The following VAPB variants were observed in gnomAD, a reference collection of about 807,000 sequenced individuals.
VAPB encodes vesicle-associated membrane protein-associated protein B/C.
VAPB carries 7 observed loss-of-function variants against 25.6 expected under a neutral mutation model. That is an observed-to-expected ratio of 0.27 (90% CI 0.16 to 0.51). The LOEUF (loss-of-function observed/expected upper bound fraction) is 0.51. Among genes scored for constraint, VAPB ranks in the 20% least tolerant of loss-of-function variants. The probability of loss-of-function intolerance (pLI) is 0.97; values close to 1 mark genes in which losing one functional copy is unlikely to be tolerated. For synonymous variants in VAPB, 112 were observed against 109.2 expected (o/e 1.03, Z -0.16); for missense variants, 266 against 301.3 (o/e 0.88, Z 0.87).
chr20:58,424,409 G>A (rs369093631), intron 2 of VAPB, among the ~76,000 whole-genome samples: 1 of 152,042 alleles, frequency 6.6e-6, no homozygotes, highest in African/African-American at 2.4e-5. Context: ...GAGAGCAAGT[G>A]CAGGGAGCAT....
intron 2 of VAPB, among the ~76,000 whole-genome samples, chr20:58,425,917 AAG>A (rs1449513986): frequency 6.6e-6 from 1 of 151,978 alleles, no homozygotes; most frequent in Admixed American, 6.6e-5. Flanking sequence ...ATTTTTGACA[AAG>A]TCTCTCTCTG....
intron 1 of VAPB, among the ~76,000 whole-genome samples, chr20:58,389,845 G>A (rs1330789719): frequency 6.6e-6 from 1 of 152,208 alleles, no homozygotes; most frequent in African/African-American, 2.4e-5. Flanking sequence ...CGCTGCCTTT[G>A]CCTAGAAGTT....
In VAPB at chr20:58,447,768, A is replaced by G. The variant is rs2123111552; in HGVS notation, c.*3533A>G. ...TGCATACACAAATTTTTGTGTTTGCAAACTCAGAATCCATGCCAAAATACA... is the reference window on the plus strand; with the variant it reads ...TGCATACACAAATTTTTGTGTTTGCGAACTCAGAATCCATGCCAAAATACA... On this transcript the variant is annotated 3_prime_UTR_variant, in exon 6 of 6. Transcript: ENST00000475243. 1 of 453,886 alleles carries G rather than the reference A, an allele frequency of 2.2e-6. No individual in the cohort carries two copies. Among genetic ancestry groups the G allele is most frequent in the African/African-American group, 2.0e-5 (1 of 50,122 alleles). The allele number at this position is 453,886 out of a possible 1,614,324, so 28.1% of individuals were successfully genotyped here.
Position 58,408,890 on chromosome 20 carries a change from A to ACCCC in VAPB, c.59-9312_59-9309dup, listed in dbSNP as rs60297703. Among the ~76,000 whole-genome samples the ACCCC allele has an allele frequency of 3.2e-3, 297 of 91,896 alleles. 1 individual carries two copies. Among genetic ancestry groups the ACCCC allele is most frequent in the Middle Eastern group, 0.018 (3 of 168 alleles). The allele number at this position is 91,896 out of a possible 152,430, so 60.3% of individuals were successfully genotyped here. A position where few individuals can be genotyped will look rare whatever the true frequency, so the allele number is the denominator to read the frequency against. ...GGATCTGGTGATGAATAGGACAGAC[A>ACCCC]CCCCCCCCCCCCACCCCGCCCCCCA... On this transcript the variant is annotated intron_variant, in intron 1 of 5. Coordinates refer to ENST00000475243, the MANE Select transcript of VAPB (RefSeq NM_004738.5).
At chr20:58,405,236 G>A (rs142757671) in intron 1 of VAPB, among the ~76,000 whole-genome samples, 2 of 152,194 alleles carry the variant, frequency 1.3e-5, no homozygotes, top group Admixed American at 6.5e-5. Context: ...GAGACATTTG[G>A]GAAGAGCATT....
intron 1 of VAPB, among the ~76,000 whole-genome samples, chr20:58,414,389 G>A (rs561500832): frequency 2.6e-3 from 390 of 151,368 alleles, no homozygotes; most frequent in African/African-American, 8.7e-3. Flanking sequence ...CCTCCCAGAC[G>A]GGGTGGCCGC....
Position 58,389,353 on chromosome 20 carries a change from C to T in VAPB, c.-107C>T. ...AGAGGACCCCCGCCCGTGCCCCGACCGGTCCCCGCCTTTTTGTAAAACTTA... is the reference window on the plus strand; with the variant it reads ...AGAGGACCCCCGCCCGTGCCCCGACTGGTCCCCGCCTTTTTGTAAAACTTA... On this transcript the variant is annotated 5_prime_UTR_variant, in exon 1 of 6. Coordinates refer to ENST00000475243, the MANE Select transcript of VAPB (RefSeq NM_004738.5). 7.4e-7 allele frequency: 1 copy of T among 1,348,608 alleles called. No individual in the cohort carries two copies. The highest frequency in any genetic ancestry group is 2.6e-5 in the East Asian group (1 of 38,876). The allele number at this position is 1,348,608 out of a possible 1,614,324, so 83.5% of individuals were successfully genotyped here. A position where few individuals can be genotyped will look rare whatever the true frequency, so the allele number is the denominator to read the frequency against.
rs1424467886 is a variant in VAPB, at chr20:58,445,292, T to TC, written c.*1059dup. 2 of 454,244 alleles carry TC rather than the reference T, an allele frequency of 4.4e-6. No individual in the cohort carries two copies. Among genetic ancestry groups the TC allele is most frequent in the Non-Finnish European group, 8.8e-6 (2 of 226,752 alleles). The allele number at this position is 454,244 out of a possible 1,614,324, so 28.1% of individuals were successfully genotyped here. A position where few individuals can be genotyped will look rare whatever the true frequency, so the allele number is the denominator to read the frequency against. On this transcript the variant is annotated 3_prime_UTR_variant, in exon 6 of 6. Coordinates refer to ENST00000475243, the MANE Select transcript of VAPB (RefSeq NM_004738.5). ...ATTACTCACACTTCCAGCGCCCAGGTCCAAGTCTGAGCCTGACCTCCCCTT... is the reference window on the plus strand; with the variant it reads ...ATTACTCACACTTCCAGCGCCCAGGTCCCAAGTCTGAGCCTGACCTCCCCTT...
At chr20:58,393,135 G>C (rs1224742968) in intron 1 of VAPB, among the ~76,000 whole-genome samples, 1 of 152,154 alleles carries the variant, frequency 6.6e-6, no homozygotes, top group Non-Finnish European at 1.5e-5. Flanking sequence ...CTGGGCTCAA[G>C]AGATCCTCCT....
At chr20:58,407,833 A>T (rs1470877160) in intron 1 of VAPB, among the ~76,000 whole-genome samples, 5 of 152,184 alleles carry the variant, frequency 3.3e-5, no homozygotes, top group African/African-American at 1.2e-4. Context: ...GTATTCCTTC[A>T]TGAGATTTTA....
chr20:58,447,374 C>G lies in VAPB; in HGVS notation c.*3139C>G. On this transcript the variant is annotated 3_prime_UTR_variant, in exon 6 of 6. Coordinates refer to ENST00000475243, the MANE Select transcript of VAPB (RefSeq NM_004738.5). Reference sequence around the variant, plus strand: ...CTCTCGTCTTCTGAACTGCTGGCACCAGCAGTAATACATACTGATAAAATC... The same window carrying G: ...CTCTCGTCTTCTGAACTGCTGGCACGAGCAGTAATACATACTGATAAAATC... 1 of 454,038 alleles carries G rather than the reference C, an allele frequency of 2.2e-6. No homozygotes were observed. Among genetic ancestry groups the G allele is most frequent in the South Asian group, 1.6e-5 (1 of 64,476 alleles). 28.1% of individuals were successfully genotyped at this position (454,038 alleles called of 1,614,324 possible).
Position 58,444,169 on chromosome 20 carries a change from C to A in VAPB, c.666C>A (p.Thr222=), listed in dbSNP as rs1363518989. Residue 222 remains threonine (T), a synonymous_variant, in exon 6 of 6, where the codon ACC becomes ACA. Transcript: ENST00000475243. ...CTGGGAAGGAAGAAGGCCTTAGCAC[C>A]CGGCTCTTGGCTCTGGTGGTTTTGT... ...APTGKEEGLS[T]RLLALVVLFF... 6.2e-7 allele frequency: 1 copy of A among 1,614,176 alleles called. No homozygotes were observed. The highest frequency in any genetic ancestry group is 1.1e-5 in the South Asian group (1 of 91,080).
At chr20:58,419,316 GT>G (rs1988617529) in intron 2 of VAPB, among the ~76,000 whole-genome samples, 1 of 152,086 alleles carries the variant, frequency 6.6e-6, no homozygotes, top group Admixed American at 6.5e-5. Context: ...TTATCTGATC[GT>G]TTCTGCAAAC....
At chr20:58,421,017 T>A (rs902068431) in intron 2 of VAPB, among the ~76,000 whole-genome samples, 2 of 152,150 alleles carry the variant, frequency 1.3e-5, no homozygotes, top group African/African-American at 2.4e-5. Context: ...GTGCAGATTA[T>A]CCAAAAGCCA....
chr20:58,414,331 C>A (rs1600791334), intron 1 of VAPB, among the ~76,000 whole-genome samples: 1 of 148,898 alleles, frequency 6.7e-6, no homozygotes, highest in Non-Finnish European at 1.5e-5. Flanking sequence ...GCTGACCCCC[C>A]CCACCTCCCT....
At chr20:58,398,857 C>CT (rs11475936) in intron 1 of VAPB, among the ~76,000 whole-genome samples, 2,368 of 143,630 alleles carry the variant, frequency 0.016, 60 homozygotes, top group African/African-American at 0.049. Context: ...AAGGCTATGG[C>CT]TTTTTTTTTT....
rs1989390519 is a variant in VAPB, at chr20:58,449,742, A to G, written c.*5507A>G. ...GATTACAATTGCTTTATTACACCCC[A>G]GGGCTGATGGAGATGTAATCACTTG... is the stretch of plus-strand genomic sequence containing the variant. On this transcript the variant is annotated 3_prime_UTR_variant, in exon 6 of 6. Transcript: ENST00000475243. The G allele has an allele frequency of 2.2e-6, 1 of 453,990 alleles. No homozygotes were observed. The highest frequency in any genetic ancestry group is 2.3e-5 in the Admixed American group (1 of 42,558). The allele number at this position is 453,990 out of a possible 1,614,324, so 28.1% of individuals were successfully genotyped here.
At position 58,416,444 on chromosome 20, in the gene VAPB, C is replaced by T. The variant is rs1474890782; in HGVS notation, c.59-1767C>T. Among the ~76,000 whole-genome samples the T allele has an allele frequency of 2.9e-5, 2 of 69,432 alleles. 1 individual carries two copies. Among genetic ancestry groups the T allele is most frequent in the African/African-American group, 1.1e-4 (2 of 18,052 alleles). The allele number at this position is 69,432 out of a possible 152,430, so 45.6% of individuals were successfully genotyped here. A position where few individuals can be genotyped will look rare whatever the true frequency, so the allele number is the denominator to read the frequency against. On this transcript the variant is annotated intron_variant, in intron 1 of 5. Coordinates refer to ENST00000475243, the MANE Select transcript of VAPB (RefSeq NM_004738.5). ...AGGGGGAGAGGGTGAACTGAGGTAT[C>T]CCGTAGGTGGTTGAGGTGTGTGTGC...
chr20:58,392,767 T>C (rs889389005), intron 1 of VAPB, among the ~76,000 whole-genome samples: 3 of 152,216 alleles, frequency 2.0e-5, no homozygotes, highest in African/African-American at 7.2e-5. Context: ...GGATTGTATA[T>C]TGTCAGACTC....
Sources: allele counts gnomAD v4.1 joint callset (sites outside exome capture counted in the v4.1 genomes callset), GRCh38; gene constraint gnomAD v4.1.1; transcripts MANE v1.5; gene names NCBI Gene and HGNC (gene_info 2026-07-23, HGNC 2026-07-21).